GUCY1A2: variants seen among roughly 807,000 people sequenced by gnomAD.
The protein encoded by GUCY1A2 is guanylate cyclase soluble subunit alpha-2.
In GUCY1A2, 27 loss-of-function variants were observed where a neutral mutation model predicts 63.5. That is an observed-to-expected ratio of 0.43 (90% CI 0.31 to 0.59). The LOEUF (loss-of-function observed/expected upper bound fraction) is 0.59. Among genes scored for constraint, GUCY1A2 ranks in the 20% least tolerant of loss-of-function variants. GUCY1A2 has a pLI of 0.11. For synonymous variants in GUCY1A2, 364 were observed against 343.5 expected (o/e 1.06, Z -0.66); for missense variants, 768 against 913.3 (o/e 0.84, Z 2.05).
At chr11:106,858,547 G>A (rs1166241671) in intron 4 of GUCY1A2, among the ~76,000 whole-genome samples, 2 of 152,084 alleles carry the variant, frequency 1.3e-5, no homozygotes, top group Non-Finnish European at 2.9e-5. Flanking sequence ...TCATCAAGAG[G>A]TAGAGGCAGT....
In GUCY1A2 at chr11:106,725,414, C is replaced by T. The variant is rs984031684; in HGVS notation, c.1837-16748G>A. ...GTCTCGATCTCCTGACCTCGTGATC[C>T]GCCCGCCTCGGCCTCCCAAAGTGCG... On this transcript the variant is annotated intron_variant, in intron 6 of 7. Transcript: ENST00000526355. Among the ~76,000 whole-genome samples, 5 of 47,118 alleles carry T rather than the reference C, an allele frequency of 1.1e-4. 1 individual carries two copies. The highest frequency in any genetic ancestry group is 2.6e-4 in the East Asian group (1 of 3,774). The allele number at this position is 47,118 out of a possible 152,430, so 30.9% of individuals were successfully genotyped here. A position where few individuals can be genotyped will look rare whatever the true frequency, so the allele number is the denominator to read the frequency against.
At chr11:106,862,981 T>A (rs973028808) in intron 4 of GUCY1A2, among the ~76,000 whole-genome samples, 21 of 152,094 alleles carry the variant, frequency 1.4e-4, no homozygotes, top group African/African-American at 4.8e-4. Flanking sequence ...TTGTGAATCA[T>A]CTGTGACCTG....
intron 4 of GUCY1A2, chr11:106,936,805 A>C (rs1417017873): frequency 1.5e-6 from 1 of 655,480 alleles, no homozygotes; most frequent in African/African-American, 1.8e-5. Flanking sequence ...CAATGTTAGA[A>C]GAAGGAATAA....
At chr11:106,893,942 G>A (rs1188388173) in intron 4 of GUCY1A2, among the ~76,000 whole-genome samples, 1 of 152,174 alleles carries the variant, frequency 6.6e-6, no homozygotes, top group African/African-American at 2.4e-5. Flanking sequence ...GTGAATACTA[G>A]AGGAAAATTC....
chr11:106,958,088 CACAGCATTTTT>C (rs1200998653), intron 3 of GUCY1A2, among the ~76,000 whole-genome samples: 1 of 152,058 alleles, frequency 6.6e-6, no homozygotes, highest in Non-Finnish European at 1.5e-5. Flanking sequence ...ACAGTAGCAT[CACAGCATTTTT>C]ACAGCATTCA....
intron 4 of GUCY1A2, among the ~76,000 whole-genome samples, chr11:106,910,060 G>T (rs901869496): frequency 5.9e-5 from 9 of 151,882 alleles, no homozygotes; most frequent in South Asian, 2.1e-4. Context: ...ATGCAGGTAT[G>T]CATTTATGTA....
intron 4 of GUCY1A2, among the ~76,000 whole-genome samples, chr11:106,916,628 T>A (rs1860373652): frequency 6.9e-6 from 1 of 145,446 alleles, no homozygotes; most frequent in East Asian, 2.1e-4. Context: ...TATATATGTA[T>A]TTTTTTAGAT....
At chr11:106,802,903 G>C (rs538868608) in intron 5 of GUCY1A2, among the ~76,000 whole-genome samples, 132 of 151,918 alleles carry the variant, frequency 8.7e-4, no homozygotes, top group Non-Finnish European at 9.7e-4. Flanking sequence ...AATTTTGGGG[G>C]GTCATAAATA....
chr11:106,730,098 T>TATATA (rs1486839516), intron 6 of GUCY1A2, among the ~76,000 whole-genome samples: 1 of 116,828 alleles, frequency 8.6e-6, no homozygotes, highest in African/African-American at 3.1e-5. Context: ...ATATATATTA[T>TATATA]AGTATATAAT....
intron 1 of GUCY1A2, 152 bp downstream of exon 1, chr11:107,017,601 C>T (rs922195951): frequency 8.8e-5 from 34 of 387,778 alleles, no homozygotes; most frequent in Middle Eastern, 6.9e-4. Flanking sequence ...CCTCTGTCGC[C>T]GGAGCCACTG....
chr11:106,940,103 A>G lies in GUCY1A2; in HGVS notation c.563T>C (p.Val188Ala). The change falls in exon 4 of 8, where the codon GTC (valine) becomes GCC (alanine). Residue 188 changes from valine (V) to alanine (A), a missense_variant. Around this residue, in one of 3 missense-constraint regions of GUCY1A2, gnomAD observed 496 missense variants for 486.9 expected, o/e 1.02. Coordinates refer to ENST00000526355, the MANE Select transcript of GUCY1A2 (RefSeq NM_000855.3). ...CAAAGTGCCACCTACAGCTCGAAGG[A>G]CTCTCTCATTCTCATGAAAGCATAT... ...FNICFHENERVLRAVGGTLQD... is the reference protein window; with the variant it reads ...FNICFHENERALRAVGGTLQD... 6.2e-7 allele frequency: 1 copy of G among 1,613,014 alleles called. No homozygotes were observed. Among genetic ancestry groups the G allele is most frequent in the Non-Finnish European group, 8.5e-7 (1 of 1,179,118 alleles).
intron 4 of GUCY1A2, among the ~76,000 whole-genome samples, chr11:106,928,560 T>C (rs1178259660): frequency 6.6e-6 from 1 of 150,994 alleles, no homozygotes; most frequent in Non-Finnish European, 1.5e-5. Context: ...GATTCAAACA[T>C]AAATACAGTC....
At chr11:106,980,124 G>A (rs918548204) in intron 2 of GUCY1A2, among the ~76,000 whole-genome samples, 4 of 152,128 alleles carry the variant, frequency 2.6e-5, no homozygotes, top group East Asian at 1.9e-4. Context: ...GAAAGTTATC[G>A]ACAAGGAAAA....
chr11:106,710,412 T>C (rs1863096175), intron 6 of GUCY1A2, among the ~76,000 whole-genome samples: 1 of 138,712 alleles, frequency 7.2e-6, no homozygotes. Flanking sequence ...TATATACATG[T>C]ATATAGTATA....
chr11:106,690,983 T>C (rs1397579826), intron 7 of GUCY1A2, among the ~76,000 whole-genome samples: 3 of 152,218 alleles, frequency 2.0e-5, no homozygotes, highest in Non-Finnish European at 4.4e-5. Flanking sequence ...CAATTTTCTT[T>C]ACTATTAATA....
intron 6 of GUCY1A2, among the ~76,000 whole-genome samples, chr11:106,709,315 AT>A (rs1349934640): frequency 1.3e-5 from 1 of 76,482 alleles, no homozygotes; most frequent in African/African-American, 7.3e-5. Context: ...ATTTATATAT[AT>A]TTATATATAT....
chr11:106,828,651 G>C lies in GUCY1A2; in HGVS notation c.1207-18173C>G, dbSNP rs528027356. ...AATGGTATAAATGAAAAGAAGGCAT[G>C]GAGAGGAAGACAACTTGCATGACAT... On this transcript the variant is annotated intron_variant, in intron 4 of 7. Transcript: ENST00000526355. Among the ~76,000 whole-genome samples, 48 of 152,274 alleles carry C rather than the reference G, an allele frequency of 3.2e-4. 1 individual carries two copies. The highest frequency in any genetic ancestry group is 2.7e-3 in the Admixed American group (41 of 15,294).
At chr11:106,733,057 A>G (rs1274668462) in intron 6 of GUCY1A2, among the ~76,000 whole-genome samples, 2 of 152,172 alleles carry the variant, frequency 1.3e-5, no homozygotes, top group African/African-American at 4.8e-5. Context: ...TTTCAACACT[A>G]TAATGGTTTC....
intron 4 of GUCY1A2, among the ~76,000 whole-genome samples, chr11:106,864,627 G>A (rs1040636616): frequency 6.6e-5 from 10 of 152,118 alleles, no homozygotes; most frequent in South Asian, 6.2e-4. Context: ...AGCATGAAGC[G>A]GTGTTGTATT....
Sources: gnomAD v4.1 joint callset for allele counts (sites outside exome capture counted in the v4.1 genomes callset) on GRCh38, gnomAD v4.1.1 for gene constraint, gnomAD v4.1.1 regional missense constraint, MANE v1.5 for transcripts, NCBI Gene and HGNC (gene_info 2026-07-23, HGNC 2026-07-21) for gene names.